The following UBD variants were observed in gnomAD, a reference collection of about 807,000 sequenced individuals.
The protein encoded by UBD is ubiquitin like modifier D, also known as ubiquitin D.
In UBD, 1 loss-of-function variant was observed where a neutral mutation model predicts 2.3. That is an observed-to-expected ratio of 0.43 (90% CI 0.15 to 2.06). UBD has a LOEUF of 2.06. Ranked by LOEUF, UBD falls within the 30% of genes most tolerant of loss-of-function variation. UBD has a pLI of 0.29. For missense variants in UBD, 175 were observed against 199.3 expected (o/e 0.88, Z 0.73); for synonymous variants, 75 against 76.5 (o/e 0.98, Z 0.10).
At position 29,556,288 on chromosome 6, in the gene UBD, C is replaced by T. The variant is rs755402501; in HGVS notation, c.90G>A (p.Val30=). The change falls in exon 2 of 2, where the codon GTG becomes GTA. Residue 30 remains valine, a synonymous_variant. Coordinates refer to ENST00000377050, the MANE Select transcript of UBD (RefSeq NM_006398.4). ...MTFDANPYDS[V]KKIKEHVRSK... ...ACCGGACATGTTCTTTGATTTTTTTCACGCTGTCATATGGGTTGGCATCAA... is the reference window on the plus strand; with the variant it reads ...ACCGGACATGTTCTTTGATTTTTTTTACGCTGTCATATGGGTTGGCATCAA... 7.4e-6 allele frequency: 12 copies of T among 1,613,048 alleles called. No individual in the cohort carries two copies. Among genetic ancestry groups the T allele is most frequent in the Non-Finnish European group, 9.3e-6 (11 of 1,180,030 alleles).
intron 1 of UBD, among the ~76,000 whole-genome samples, chr6:29,558,536 G>A (rs1762639586): frequency 6.6e-6 from 1 of 152,198 alleles, no homozygotes; most frequent in Admixed American, 6.5e-5. Context: ...TCTTGCAACT[G>A]CACTCTTCTG....
chr6:29,558,632 C>G (rs1762645390), intron 1 of UBD, among the ~76,000 whole-genome samples: 1 of 152,218 alleles, frequency 6.6e-6, no homozygotes, highest in Non-Finnish European at 1.5e-5. Context: ...CGGCTGACTT[C>G]CATCCCTCGG....
Position 29,555,961 on chromosome 6 carries a change from C to A in UBD, c.417G>T (p.Leu139=), listed in dbSNP as rs750398704. The A allele has an allele frequency of 6.2e-7, 1 of 1,613,094 alleles. No homozygotes were observed. The highest frequency in any genetic ancestry group is 2.2e-5 in the East Asian group (1 of 44,882). Residue 139 remains leucine, a synonymous_variant, in exon 2 of 2, where the codon CTG becomes CTT. Coordinates refer to ENST00000377050, the MANE Select transcript of UBD (RefSeq NM_006398.4). ...AATCTGCCATCATCTTCCCATCTTC[C>A]AGTCTCTTTCCATTGCAAGTCACAA... ...TQIVTCNGKR[L]EDGKMMADYG...
chr6:29,559,596 GC>G, intron 1 of UBD, 78 bp downstream of exon 1: 2 of 1,525,450 alleles, frequency 1.3e-6, no homozygotes, highest in Non-Finnish European at 1.8e-6. Context: ...GTACTGCCCA[GC>G]CCCCGTTTCT....
At position 29,555,988 on chromosome 6, in the gene UBD, C is replaced by T. The variant is rs902639129; in HGVS notation, c.390G>A (p.Gln130=). 1.2e-6 allele frequency: 2 copies of T among 1,613,146 alleles called. No homozygotes were observed. Among genetic ancestry groups the T allele is most frequent in the Non-Finnish European group, 1.7e-6 (2 of 1,180,046 alleles). Reference sequence around the variant, plus strand: ...GTCTCTTTCCATTGCAAGTCACAATCTGGGTCTCAGGGATTATACCCGTCT... The same window carrying T: ...GTCTCTTTCCATTGCAAGTCACAATTTGGGTCTCAGGGATTATACCCGTCT... ...ETKTGIIPET[Q]IVTCNGKRLE... Residue 130 remains glutamine, a synonymous_variant, in exon 2 of 2, where the codon CAG becomes CAA. Coordinates refer to ENST00000377050, the MANE Select transcript of UBD (RefSeq NM_006398.4).
At chr6:29,556,677 C>A in intron 1 of UBD, 1 of 307,038 alleles carries the variant, frequency 3.3e-6, no homozygotes, top group Non-Finnish European at 6.0e-6. Context: ...AGTCATTGGG[C>A]CAAGGGTGGT....
rs993871999 is a variant in UBD, at chr6:29,556,640, G to A, written c.28-290C>T. On this transcript the variant is annotated intron_variant, in intron 1 of 1. Transcript: ENST00000377050. ...CTGAACGGACGCTCTTTTGCTCAGG[G>A]GGACCCTAGAGAAACTTTAAAAACT... is the stretch of plus-strand genomic sequence containing the variant. 9.5e-6 allele frequency: 4 copies of A among 419,180 alleles called. No individual in the cohort carries two copies. The South Asian group carries it at 1.6e-4, about 17-fold the overall frequency. 26.0% of individuals were successfully genotyped at this position (419,180 alleles called of 1,614,324 possible).
Position 29,555,749 on chromosome 6 carries a change from C to T in UBD, c.*131G>A. On this transcript the variant is annotated 3_prime_UTR_variant, in exon 2 of 2. Coordinates refer to ENST00000377050, the MANE Select transcript of UBD (RefSeq NM_006398.4). ...GGGCAATATACTTCATCCTACCCATCCCACCCAAATCTTACTCTACTCATC... is the reference window on the plus strand; with the variant it reads ...GGGCAATATACTTCATCCTACCCATTCCACCCAAATCTTACTCTACTCATC... 2 of 676,322 alleles carry T rather than the reference C, an allele frequency of 3.0e-6. No homozygotes were observed. Among genetic ancestry groups the T allele is most frequent in the African/African-American group, 1.8e-5 (1 of 55,174 alleles). The allele number at this position is 676,322 out of a possible 1,614,324, so 41.9% of individuals were successfully genotyped here.
chr6:29,556,270 A>G lies in UBD; in HGVS notation c.108T>C (p.His36=), dbSNP rs138174598. ...PYDSVKKIKE[H]VRSKTKVPVQ... ...CAGGAACCTTGGTCTTAGACCGGAC[A>G]TGTTCTTTGATTTTTTTCACGCTGT... is the stretch of plus-strand genomic sequence containing the variant. The change falls in exon 2 of 2, where the codon CAT becomes CAC. Residue 36 remains histidine, a synonymous_variant. Coordinates refer to ENST00000377050, the MANE Select transcript of UBD (RefSeq NM_006398.4). 11 of 1,612,898 alleles carry G rather than the reference A, an allele frequency of 6.8e-6. No homozygotes were observed. Among genetic ancestry groups the G allele is most frequent in the African/African-American group, 6.7e-5 (5 of 74,912 alleles).
At chr6:29,559,226 T>G (rs1207610900) in intron 1 of UBD, among the ~76,000 whole-genome samples, 5 of 152,228 alleles carry the variant, frequency 3.3e-5, no homozygotes, top group Non-Finnish European at 7.3e-5. Context: ...TTGCCTTAAT[T>G]CCAGGTTCTC....
chr6:29,557,420 T>C (rs1023290097), intron 1 of UBD: 2 of 152,244 alleles, frequency 1.3e-5, no homozygotes, highest in South Asian at 4.1e-4. Flanking sequence ...TTACAGAAGC[T>C]GTGCATTTGA....
At chr6:29,558,300 G>A (rs1322166617) in intron 1 of UBD, among the ~76,000 whole-genome samples, 2 of 152,148 alleles carry the variant, frequency 1.3e-5, no homozygotes, top group African/African-American at 4.8e-5. Flanking sequence ...CTTTAAACAC[G>A]GGGCTTGCAA....
In UBD at chr6:29,555,856, G is replaced by A; in HGVS notation, c.*24C>T. 1.9e-6 allele frequency: 3 copies of A among 1,588,958 alleles called. No individual in the cohort carries two copies. The highest frequency in any genetic ancestry group is 2.2e-5 in the East Asian group (1 of 44,682). On this transcript the variant is annotated 3_prime_UTR_variant, in exon 2 of 2. Transcript: ENST00000377050. ...AAAAGAAATAAGCTTTTTGACCCCT[G>A]CCAACACCCCATGCCCAGGGTGGTC...
At chr6:29,556,469 G>A (rs935315898) in intron 1 of UBD, 119 bp from the exon 2 acceptor site, 1 of 660,690 alleles carries the variant, frequency 1.5e-6, no homozygotes, top group Non-Finnish European at 2.6e-6. Context: ...CTCCTATTCA[G>A]TAGCCAGTGT....
At position 29,556,344 on chromosome 6, in the gene UBD, C is replaced by T. The variant is rs191092947; in HGVS notation, c.34G>A (p.Val12Ile). ...ATTAAATCCCATTCCTCGGAACGGA[C>T]ATGCACCTGGGAAGTGAAAGCCACA... is the stretch of plus-strand genomic sequence containing the variant. ...APNASCLCVH[V>I]RSEEWDLMTF... The change falls in exon 2 of 2, where the codon GTC becomes ATC. Residue 12 changes from valine to isoleucine, a missense_variant. Transcript: ENST00000377050. The T allele has an allele frequency of 5.7e-5, 91 of 1,609,458 alleles. 1 individual carries two copies. The Admixed American group carries it at 5.7e-4, about 10-fold the overall frequency.
intron 1 of UBD, among the ~76,000 whole-genome samples, chr6:29,558,848 C>T (rs1022953745): frequency 1.2e-4 from 18 of 152,238 alleles, no homozygotes; most frequent in Admixed American, 1.0e-3. Flanking sequence ...ACCCAAGATT[C>T]CATTCCTTGG....
intron 1 of UBD, among the ~76,000 whole-genome samples, chr6:29,558,258 C>T (rs1455295114): frequency 1.3e-5 from 2 of 152,202 alleles, no homozygotes; most frequent in Admixed American, 6.5e-5. Context: ...CTAAGAATCC[C>T]TAAGCCTAGC....
chr6:29,559,569 GC>G (rs1353281742), intron 1 of UBD, 105 bp downstream of exon 1: 4 of 1,171,864 alleles, frequency 3.4e-6, no homozygotes, highest in Middle Eastern at 2.0e-4. Flanking sequence ...TGCCTGCCCA[GC>G]CCCCCAGAGC....
intron 1 of UBD, 99 bp downstream of exon 1, chr6:29,559,576 A>C: frequency 2.3e-6 from 3 of 1,291,986 alleles, no homozygotes; most frequent in Non-Finnish European, 3.3e-6. Context: ...CCAGCCCCCC[A>C]GAGCCCTGAG....
Sources: allele counts gnomAD v4.1 joint callset (sites outside exome capture counted in the v4.1 genomes callset), GRCh38; gene constraint gnomAD v4.1.1; transcripts MANE v1.5; gene names NCBI Gene and HGNC (gene_info 2026-07-23, HGNC 2026-07-21).